The following SDR42E2 variants were observed in gnomAD, a reference collection of about 807,000 sequenced individuals.
The protein encoded by SDR42E2 is putative short-chain dehydrogenase/reductase family 42E member 2.
Under a neutral mutation model 10.5 loss-of-function variants are expected in SDR42E2, and 20 were observed. The observed-to-expected ratio is 1.90, with a 90% CI of 1.34 to 2.77. SDR42E2 has a LOEUF of 2.77. Ranked by LOEUF, SDR42E2 falls within the 30% of genes most tolerant of loss-of-function variation. SDR42E2 has a pLI of 0.00. For missense variants in SDR42E2, 162 were observed against 104.2 expected, an observed-to-expected ratio of 1.55 and a Z score of -2.42; for synonymous variants, 72 against 39.2, an observed-to-expected ratio of 1.84 and a Z score of -3.12.
At chr16:22,167,165 ATTTTTTTTTTTTTTTTTTTTTTT>A (rs534502295) in intron 4 of SDR42E2, among the ~76,000 whole-genome samples, 166 bp downstream of exon 4, 1 of 37,722 alleles carries the variant, frequency 2.7e-5, no homozygotes, top group Non-Finnish European at 4.3e-5. Context: ...CAGTTCTGCC[ATTTTTTTTTTTTTTTTTTTTTTT>A]TTTTTTTTTT....
chr16:22,179,813 CAA>C (rs397757924), intron 8 of SDR42E2, among the ~76,000 whole-genome samples: 10 of 94,700 alleles, frequency 1.1e-4, no homozygotes, highest in African/African-American at 3.6e-5. Context: ...AACTTCATCT[CAA>C]AAAAAAAAAA....
chr16:22,185,412 G>A (rs2046729587), intron 11 of SDR42E2, among the ~76,000 whole-genome samples: 1 of 152,174 alleles, frequency 6.6e-6, no homozygotes, highest in East Asian at 1.9e-4. Context: ...TCCCGGCCCT[G>A]AGCCACGGCC....
chr16:22,173,408 T>C (rs1255494398), intron 7 of SDR42E2, among the ~76,000 whole-genome samples: 1 of 152,032 alleles, frequency 6.6e-6, no homozygotes, highest in African/African-American at 2.4e-5. Flanking sequence ...TTAGTAGAGA[T>C]GGGGTTTCAC....
chr16:22,169,474 T>C lies in SDR42E2; in HGVS notation c.366T>C (p.Asn122=), dbSNP rs908567692. The change falls in exon 5 of 13, where the codon AAT becomes AAC. Residue 122 remains asparagine (N), a synonymous_variant. Transcript: ENST00000602312. ...KLQKEQIESI[N]VGGTKLVIDV... is the part of the protein sequence containing the mutation. ...AGAAAGAGCAGATTGAGTCTATAAA[T>C]GTTGGAGGCACCAAACTAGTGATTG... The C allele has an allele frequency of 6.1e-5, 43 of 703,586 alleles. No individual in the cohort carries two copies. In the Middle Eastern group the frequency reaches 9.1e-4, roughly 15 times the overall value. The allele number at this position is 703,586 out of a possible 1,614,324, so 43.6% of individuals were successfully genotyped here.
chr16:22,178,491 G>T (rs2046665058), intron 8 of SDR42E2, among the ~76,000 whole-genome samples: 1 of 152,230 alleles, frequency 6.6e-6, no homozygotes, highest in African/African-American at 2.4e-5. Flanking sequence ...AGAGCCTGTT[G>T]CCCTCACTCC....
chr16:22,180,350 T>C lies in SDR42E2; in HGVS notation c.673-1169T>C, dbSNP rs534954406. Among the ~76,000 whole-genome samples the C allele has an allele frequency of 2.6e-5, 4 of 151,864 alleles. 1 individual carries two copies. In the South Asian group the frequency reaches 8.3e-4, roughly 32 times the overall value. On this transcript the variant is annotated intron_variant, in intron 8 of 12. Transcript: ENST00000602312. ...AGGATTTCAAGGCAGCAGTGAGCTA[T>C]GATTGCACCACTGCACTCCAGCCTG... is the stretch of plus-strand genomic sequence containing the variant.
At chr16:22,181,369 C>A in intron 8 of SDR42E2, 150 bp from the exon 9 acceptor site, 1 of 615,822 alleles carries the variant, frequency 1.6e-6, no homozygotes, top group African/African-American at 1.8e-5. Context: ...GTTAGACAAC[C>A]CGTTGCTGAT....
At position 22,190,499 on chromosome 16, in the gene SDR42E2, C is replaced by A; in HGVS notation, c.*106C>A. 1 of 399,256 alleles carries A rather than the reference C, an allele frequency of 2.5e-6. No individual in the cohort carries two copies. Among genetic ancestry groups the A allele is most frequent in the Non-Finnish European group, 4.4e-6 (1 of 226,304 alleles). 24.7% of individuals were successfully genotyped at this position (399,256 alleles called of 1,614,324 possible). A position where few individuals can be genotyped will look rare whatever the true frequency, so the allele number is the denominator to read the frequency against. ...CTGCCCCGCCTTCTGGGTTTGAGCG[C>A]GCCTCCGCTCCGCCCCTTGAATCCT... On this transcript the variant is annotated 3_prime_UTR_variant, in exon 13 of 13. Transcript: ENST00000602312.
chr16:22,187,353 G>A (rs946311246), intron 12 of SDR42E2, among the ~76,000 whole-genome samples: 2 of 151,988 alleles, frequency 1.3e-5, no homozygotes, highest in African/African-American at 4.8e-5. Flanking sequence ...GTGGTGGCTC[G>A]CACCTATAAT....
At chr16:22,170,074 T>C (rs2046583045) in intron 5 of SDR42E2, among the ~76,000 whole-genome samples, 1 of 133,824 alleles carries the variant, frequency 7.5e-6, no homozygotes, top group African/African-American at 2.8e-5. Flanking sequence ...AATAAATAAG[T>C]CTGGGCGAGG....
At position 22,181,662 on chromosome 16, in the gene SDR42E2, T is replaced by A. The variant is rs754163470; in HGVS notation, c.810+6T>A. On this transcript the variant is annotated splice_donor_region_variant and intron_variant, in intron 9 of 12. Transcript: ENST00000602312. ...CGGCCAAGGGCTACGTGGCTGTGAGTCCCCTCTGATGCCCCCAACCACCTT... is the reference window on the plus strand; with the variant it reads ...CGGCCAAGGGCTACGTGGCTGTGAGACCCCTCTGATGCCCCCAACCACCTT... 2.8e-6 allele frequency: 2 copies of A among 702,310 alleles called. No individual in the cohort carries two copies. Among genetic ancestry groups the A allele is most frequent in the South Asian group, 3.0e-5 (2 of 67,536 alleles). The allele number at this position is 702,310 out of a possible 1,614,324, so 43.5% of individuals were successfully genotyped here. A position where few individuals can be genotyped will look rare whatever the true frequency, so the allele number is the denominator to read the frequency against.
At chr16:22,187,664 A>G (rs7198634) in intron 12 of SDR42E2, among the ~76,000 whole-genome samples, 63,682 of 151,458 alleles carry the variant, frequency 0.42, 15,391 homozygotes, top group East Asian at 0.88. Context: ...ACAGGCATGC[A>G]CCACCATGCC....
intron 1 of SDR42E2, among the ~76,000 whole-genome samples, chr16:22,165,172 C>G (rs977472226): frequency 1.3e-5 from 2 of 152,204 alleles, no homozygotes; most frequent in Non-Finnish European, 2.9e-5. Context: ...ACTGCAACCT[C>G]CGCCTTCCAG....
chr16:22,168,491 C>T (rs995188163), intron 4 of SDR42E2, among the ~76,000 whole-genome samples: 1 of 151,654 alleles, frequency 6.6e-6, no homozygotes, highest in African/African-American at 2.4e-5. Flanking sequence ...GTCTCAAACT[C>T]CTGACCTGAA....
chr16:22,178,844 C>A (rs530356180), intron 8 of SDR42E2, among the ~76,000 whole-genome samples: 1 of 152,272 alleles, frequency 6.6e-6, no homozygotes, highest in African/African-American at 2.4e-5. Context: ...TGGGCACAAA[C>A]CTGGAAGTGA....
intron 1 of SDR42E2, among the ~76,000 whole-genome samples, chr16:22,164,288 G>T (rs1214226296): frequency 6.6e-6 from 1 of 152,198 alleles, no homozygotes; most frequent in Non-Finnish European, 1.5e-5. Flanking sequence ...GCTGGATGCG[G>T]TGGCTCACAC....
intron 8 of SDR42E2, among the ~76,000 whole-genome samples, chr16:22,180,511 G>A (rs1342734950): frequency 6.6e-6 from 1 of 152,046 alleles, no homozygotes; most frequent in Non-Finnish European, 1.5e-5. Flanking sequence ...GGCCAGCCTG[G>A]GCAACATAGT....
intron 7 of SDR42E2, among the ~76,000 whole-genome samples, chr16:22,172,876 G>A (rs528935983): frequency 1.4e-3 from 209 of 152,256 alleles, no homozygotes; most frequent in Non-Finnish European, 2.1e-3. Flanking sequence ...AAACTCCTGG[G>A]CTTAAGTAAT....
rs377344143 is a variant in SDR42E2 at position 22,170,377 on chromosome 16, TAAAC to T, written c.395-450_395-447del. 2.7e-4 allele frequency among the ~76,000 whole-genome samples: 41 copies of T among 152,024 alleles called. 1 individual carries two copies. The South Asian group carries it at 6.6e-3, about 25-fold the overall frequency. Reference sequence around the variant, plus strand: ...CTCAATAAATAAATAAATAAATAAATAAACAAACAGATAAATAAAAAGTTACTAA... The same window carrying T: ...CTCAATAAATAAATAAATAAATAAATAAACAGATAAATAAAAAGTTACTAA... On this transcript the variant is annotated intron_variant, in intron 5 of 12. Transcript: ENST00000602312.
Sources: gnomAD v4.1 joint callset for allele counts (sites outside exome capture counted in the v4.1 genomes callset) on GRCh38, gnomAD v4.1.1 for gene constraint, MANE v1.5 for transcripts, NCBI Gene and HGNC (gene_info 2026-07-23, HGNC 2026-07-21) for gene names.